The following SEC24A variants were observed in gnomAD, a reference collection of about 807,000 sequenced individuals.
The protein encoded by SEC24A is SEC24 homolog A, COPII component, also known as protein transport protein Sec24A.
In SEC24A, 93 loss-of-function variants were observed where a neutral mutation model predicts 129.4. The ratio of observed to expected loss-of-function variants is 0.72; its 90% CI spans 0.61 to 0.85. The LOEUF (loss-of-function observed/expected upper bound fraction) is 0.85. SEC24A is among the 40% of genes least tolerant of loss of function. The pLI, the probability that SEC24A is intolerant of heterozygous loss-of-function variation, is 0.00. For synonymous variants in SEC24A, 460 were observed against 467.3 expected (o/e 0.98, Z 0.20); for missense variants, 1,264 against 1,307.4 (o/e 0.97, Z 0.51).
chr5:134,688,288 C>T lies in SEC24A; in HGVS notation c.1712C>T (p.Ser571Leu). The change falls in exon 11 of 23, where the codon TCA becomes TTA. Residue 571 changes from serine (S) to leucine (L), a missense_variant. Physicochemically the swap from Ser to Leu is moderately radical, Grantham distance 145 (BLOSUM62 -2). Coordinates refer to ENST00000398844, the MANE Select transcript of SEC24A (RefSeq NM_021982.3). ...TCTCAACCTCAGATGCTAATAGTTT[C>T]AGATATTGAAGGTATAGATTTATTG... ...SLSQPQMLIVSDIEDVFIPMP... is the reference protein window; with the variant it reads ...SLSQPQMLIVLDIEDVFIPMP... 6.4e-7 allele frequency: 1 copy of T among 1,554,720 alleles called. No homozygotes were observed. The highest frequency in any genetic ancestry group is 1.4e-5 in the African/African-American group (1 of 73,718).
intron 8 of SEC24A, 129 bp from the exon 9 acceptor site, chr5:134,682,242 CAA>C (rs1318827249): frequency 1.5e-3 from 632 of 416,116 alleles, no homozygotes; most frequent in East Asian, 2.0e-3. Flanking sequence ...AACTCTGTCT[CAA>C]AAAAAAAAAA....
chr5:134,709,505 C>G (rs1183458912), intron 18 of SEC24A, among the ~76,000 whole-genome samples: 1 of 152,098 alleles, frequency 6.6e-6, no homozygotes, highest in Non-Finnish European at 1.5e-5. Context: ...TATTATATTG[C>G]TGATGCAAGA....
chr5:134,702,646 C>T (rs1465496257), intron 15 of SEC24A, among the ~76,000 whole-genome samples: 2 of 151,994 alleles, frequency 1.3e-5, no homozygotes, highest in African/African-American at 2.4e-5. Context: ...TTCAATAAAC[C>T]TTGAAGATTC....
intron 12 of SEC24A, 137 bp from the exon 13 acceptor site, chr5:134,693,590 C>G (rs964292283): frequency 1.0e-5 from 15 of 1,433,900 alleles, no homozygotes; most frequent in Non-Finnish European, 1.3e-5. Context: ...GTCATTTGAC[C>G]AACTTCATTG....
intron 8 of SEC24A, among the ~76,000 whole-genome samples, chr5:134,680,997 G>A (rs1269768822): frequency 6.6e-6 from 1 of 151,362 alleles, no homozygotes; most frequent in Non-Finnish European, 1.5e-5. Context: ...TACTCGGGAG[G>A]CTGAGGCAGG....
intron 15 of SEC24A, among the ~76,000 whole-genome samples, chr5:134,699,978 G>A (rs1751953697): frequency 6.6e-6 from 1 of 151,738 alleles, no homozygotes; most frequent in South Asian, 2.1e-4. Flanking sequence ...TGGGATTACA[G>A]GTATGAGCCA....
In SEC24A at chr5:134,648,949, C is replaced by T. The variant is rs574335603; in HGVS notation, c.-128C>T. ...GCGCCATGCCTCGGGCTTAATGCGC[C>T]CCCCCCTCTTCTCCCAGTCTTCAGT... On this transcript the variant is annotated 5_prime_UTR_variant, in exon 1 of 23. Transcript: ENST00000398844. 21 of 633,314 alleles carry T rather than the reference C, an allele frequency of 3.3e-5. No individual in the cohort carries two copies. Among genetic ancestry groups the T allele is most frequent in the East Asian group, 6.2e-5 (2 of 32,110 alleles). The allele number at this position is 633,314 out of a possible 1,614,324, so 39.2% of individuals were successfully genotyped here.
chr5:134,674,876 C>A, intron 5 of SEC24A, 101 bp downstream of exon 5: 2 of 1,167,990 alleles, frequency 1.7e-6, no homozygotes, highest in Non-Finnish European at 2.4e-6. Context: ...TTTTTATAAC[C>A]ATTTAGAATA....
chr5:134,674,462 A>G (rs1274657528), intron 4 of SEC24A, among the ~76,000 whole-genome samples, 153 bp from the exon 5 acceptor site: 1 of 152,120 alleles, frequency 6.6e-6, no homozygotes, highest in African/African-American at 2.4e-5. Context: ...ACTTGAACCT[A>G]GGAGGTTAAG....
At chr5:134,713,348 C>A (rs1752386411) in intron 18 of SEC24A, among the ~76,000 whole-genome samples, 1 of 151,982 alleles carries the variant, frequency 6.6e-6, no homozygotes, top group Admixed American at 6.6e-5. Context: ...ATATGCAGTA[C>A]CCCAATCCCA....
chr5:134,693,141 C>A (rs1323851636), intron 12 of SEC24A: 10 of 1,535,532 alleles, frequency 6.5e-6, no homozygotes, highest in Non-Finnish European at 8.7e-6. Flanking sequence ...ATGTTGTCTA[C>A]CCTGTACATG....
chr5:134,698,352 C>T (rs868846391), intron 15 of SEC24A, among the ~76,000 whole-genome samples: 6 of 151,986 alleles, frequency 3.9e-5, no homozygotes, highest in Admixed American at 3.9e-4. Context: ...GCCTGTAATT[C>T]CAGCACTTTG....
intron 14 of SEC24A, 27 bp from the exon 15 acceptor site, chr5:134,697,872 T>G: frequency 1.2e-6 from 2 of 1,600,052 alleles, no homozygotes; most frequent in South Asian, 1.1e-5. Context: ...AACGGCACAG[T>G]TTAAAACAGT....
At chr5:134,679,816 A>C in intron 8 of SEC24A, 88 bp downstream of exon 8, 1 of 1,131,274 alleles carries the variant, frequency 8.8e-7, no homozygotes, top group Non-Finnish European at 1.2e-6. Context: ...AAAAAAAAAA[A>C]ACCCTTTTAT....
chr5:134,705,103 T>TTTA lies in SEC24A; in HGVS notation c.2441-224_2441-223insTTA, dbSNP rs1554141323. 2.1e-5 allele frequency among the ~76,000 whole-genome samples: 3 copies of TTTA among 140,442 alleles called. No homozygotes were observed. In the East Asian group the frequency reaches 6.3e-4, roughly 30 times the overall value. The allele number at this position is 140,442 out of a possible 152,430, so 92.1% of individuals were successfully genotyped here. ...ATATATATATATATTTTTTTTTTTT[T>TTTA]AATTAATTTATTTTTTTTTAAGAGA... is the stretch of plus-strand genomic sequence containing the variant. On this transcript the variant is annotated intron_variant, in intron 16 of 22. Transcript: ENST00000398844.
intron 21 of SEC24A, among the ~76,000 whole-genome samples, chr5:134,722,969 C>T (rs55849196): frequency 0.15 from 22,182 of 151,878 alleles, 1,831 homozygotes; most frequent in South Asian, 0.36. Context: ...GCCTGAGCAA[C>T]GTGGTGAGAT....
rs1225759257 is a variant in SEC24A, at chr5:134,715,310, A to C, written c.2865+149A>C. On this transcript the variant is annotated intron_variant, in intron 19 of 22. Coordinates refer to ENST00000398844, the MANE Select transcript of SEC24A (RefSeq NM_021982.3). ...TTTTTTGGCTAAGTCTGAGTAAATAAATTTTAGTATAGGGAAGCTCTTAAA... is the reference window on the plus strand; with the variant it reads ...TTTTTTGGCTAAGTCTGAGTAAATACATTTTAGTATAGGGAAGCTCTTAAA... 7 of 687,022 alleles carry C rather than the reference A, an allele frequency of 1.0e-5. No individual in the cohort carries two copies. The East Asian group carries it at 1.3e-4, about 13-fold the overall frequency. The allele number at this position is 687,022 out of a possible 1,614,324, so 42.6% of individuals were successfully genotyped here. A position where few individuals can be genotyped will look rare whatever the true frequency, so the allele number is the denominator to read the frequency against.
chr5:134,667,112 G>A, intron 3 of SEC24A, 116 bp downstream of exon 3: 2 of 864,682 alleles, frequency 2.3e-6, no homozygotes, highest in Non-Finnish European at 3.4e-6. Context: ...TCTAGTTTTG[G>A]TTAGGGATGG....
At chr5:134,681,726 C>G (rs747329692) in intron 8 of SEC24A, among the ~76,000 whole-genome samples, 10 of 151,984 alleles carry the variant, frequency 6.6e-5, no homozygotes, top group Non-Finnish European at 8.8e-5. Context: ...AAGACAGATA[C>G]AATGATAATT....
Sources: allele counts gnomAD v4.1 joint callset (sites outside exome capture counted in the v4.1 genomes callset), GRCh38; gene constraint gnomAD v4.1.1; transcripts MANE v1.5; gene names NCBI Gene and HGNC (gene_info 2026-07-23, HGNC 2026-07-21).